XIRP2: variants seen among roughly 807,000 people sequenced by gnomAD.
XIRP2 encodes the protein xin actin-binding repeat-containing protein 2.
XIRP2 carries 236 observed loss-of-function variants against 277.0 expected under a neutral mutation model. The observed-to-expected ratio is 0.85, with a 90% CI of 0.77 to 0.95. XIRP2 has a LOEUF of 0.95. Among genes scored for constraint, XIRP2 ranks in the 40% least tolerant of loss-of-function variants. The pLI is 0.00. For synonymous variants in XIRP2, 1,490 were observed against 1,416.5 expected (o/e 1.05, Z -1.17); for missense variants, 4,640 against 4,157.5 (o/e 1.12, Z -3.19).
intron 2 of XIRP2, among the ~76,000 whole-genome samples, chr2:167,025,170 G>C (rs1017081156): frequency 9.2e-5 from 14 of 152,050 alleles, no homozygotes; most frequent in Non-Finnish European, 1.6e-4. Context: ...ACTTCTTCCT[G>C]GTTTAGTGTT....
intron 2 of XIRP2, among the ~76,000 whole-genome samples, chr2:166,922,745 G>C (rs1685086135): frequency 6.7e-6 from 1 of 149,610 alleles, no homozygotes; most frequent in South Asian, 2.1e-4. Flanking sequence ...AACAGAGCGA[G>C]ACTCCATCTC....
At chr2:167,087,390 C>G (rs539933487) in intron 2 of XIRP2, among the ~76,000 whole-genome samples, 30 of 151,772 alleles carry the variant, frequency 2.0e-4, no homozygotes, top group South Asian at 6.2e-4. Flanking sequence ...TTACTGCTGT[C>G]TTTTTGTTTG....
At chr2:167,193,677 A>T (rs1220762439) in intron 3 of XIRP2, among the ~76,000 whole-genome samples, 1 of 152,050 alleles carries the variant, frequency 6.6e-6, no homozygotes, top group African/African-American at 2.4e-5. Flanking sequence ...TAGGAGTTCA[A>T]CACCAGCCTA....
intron 2 of XIRP2, among the ~76,000 whole-genome samples, chr2:167,036,096 G>A (rs952692952): frequency 6.6e-6 from 1 of 152,230 alleles, no homozygotes; most frequent in African/African-American, 2.4e-5. Context: ...GTTTGCTGCA[G>A]AGGCAGCGCC....
rs776249367 is a variant in XIRP2, at chr2:167,251,776, A to G, written c.10384A>G (p.Ile3462Val). The G allele has an allele frequency of 6.2e-7, 1 of 1,613,388 alleles. No individual in the cohort carries two copies. Among genetic ancestry groups the G allele is most frequent in the South Asian group, 1.1e-5 (1 of 91,058 alleles). Residue 3462 changes from isoleucine (I) to valine (V), a missense_variant, in exon 9 of 11, where the codon ATT (isoleucine) becomes GTT (valine). By Grantham distance (29) the Ile-to-Val change is conservative. Transcript: ENST00000409195. ...KHAPPTYEDV[I>V]AGHILDISDS... Reference sequence around the variant, plus strand: ...TGCCCCACCAACCTATGAGGATGTCATTGCTGGACATATTTTAGATATCTC... The same window carrying G: ...TGCCCCACCAACCTATGAGGATGTCGTTGCTGGACATATTTTAGATATCTC...
At chr2:167,223,690 A>G (rs939048679) in intron 5 of XIRP2, among the ~76,000 whole-genome samples, 2 of 152,204 alleles carry the variant, frequency 1.3e-5, no homozygotes, top group Admixed American at 6.5e-5. Context: ...CACGTACATA[A>G]TTCTTCAAGG....
intron 2 of XIRP2, among the ~76,000 whole-genome samples, chr2:167,132,628 C>T (rs1048762563): frequency 1.3e-5 from 2 of 152,132 alleles, no homozygotes; most frequent in African/African-American, 4.8e-5. Flanking sequence ...CTGCTCCCGG[C>T]CTGCCTCTGC....
At chr2:167,157,640 T>G (rs1357708788) in intron 3 of XIRP2, among the ~76,000 whole-genome samples, 1 of 152,112 alleles carries the variant, frequency 6.6e-6, no homozygotes, top group Non-Finnish European at 1.5e-5. Context: ...AGCAAAAGTA[T>G]GAGGAATCCA....
chr2:167,158,285 A>C (rs1205394221), intron 3 of XIRP2, among the ~76,000 whole-genome samples: 1 of 152,236 alleles, frequency 6.6e-6, no homozygotes, highest in East Asian at 1.9e-4. Flanking sequence ...GTAAGAGTCT[A>C]GAAAATTTAG....
At chr2:167,157,774 T>G (rs1455512501) in intron 3 of XIRP2, among the ~76,000 whole-genome samples, 1 of 152,078 alleles carries the variant, frequency 6.6e-6, no homozygotes, top group African/African-American at 2.4e-5. Flanking sequence ...GTGAAAAATG[T>G]TGCAATAGGA....
chr2:166,955,725 G>A (rs996657915), intron 2 of XIRP2, among the ~76,000 whole-genome samples: 1 of 151,592 alleles, frequency 6.6e-6, no homozygotes, highest in Admixed American at 6.6e-5. Context: ...GCTTGAATCA[G>A]CTTCAAGAAT....
In XIRP2 at chr2:167,242,738, CAGA is replaced by C. The variant is rs1559037089; in HGVS notation, c.1351_1353del (p.Glu451del). On this transcript the variant is annotated inframe_deletion, in exon 9 of 11. Coordinates refer to ENST00000409195, the MANE Select transcript of XIRP2 (RefSeq NM_152381.6). ...ATTAATGCTACTTCTTCAGGAATGA[CAGA>C]AGAATTTCCTCCTCCCCCACCTGAC... 1 of 1,614,018 alleles carries C rather than the reference CAGA, an allele frequency of 6.2e-7. No homozygotes were observed. The highest frequency in any genetic ancestry group is 1.7e-5 in the Admixed American group (1 of 60,018).
intron 2 of XIRP2, among the ~76,000 whole-genome samples, chr2:167,039,593 T>TCA (rs891317485): frequency 8.6e-5 from 13 of 151,852 alleles, no homozygotes; most frequent in South Asian, 6.2e-4. Flanking sequence ...ATACACAATC[T>TCA]CACACACACA....
intron 5 of XIRP2, among the ~76,000 whole-genome samples, chr2:167,222,422 G>C (rs1434316572): frequency 2.0e-5 from 3 of 152,168 alleles, no homozygotes; most frequent in South Asian, 2.1e-4. Flanking sequence ...GGTTGCCTTT[G>C]CAGTTAATAC....
chr2:167,000,513 G>GT (rs201441526), intron 2 of XIRP2, among the ~76,000 whole-genome samples: 13,870 of 139,248 alleles, frequency 0.1, 1,069 homozygotes, highest in East Asian at 0.41. Context: ...GGGTTTTTTT[G>GT]TTTTTTTTTT....
chr2:167,090,729 G>T (rs1419793937), intron 2 of XIRP2, among the ~76,000 whole-genome samples: 1 of 151,998 alleles, frequency 6.6e-6, no homozygotes. Context: ...GAAACCTTAG[G>T]GGTGTCCTGG....
At chr2:166,996,177 C>T (rs2105448751) in intron 2 of XIRP2, among the ~76,000 whole-genome samples, 1 of 152,226 alleles carries the variant, frequency 6.6e-6, no homozygotes, top group Admixed American at 6.5e-5. Context: ...ATAGTAGATA[C>T]ACAGTAATTA....
intron 3 of XIRP2, among the ~76,000 whole-genome samples, chr2:167,203,729 A>G (rs1308648623): frequency 1.3e-5 from 2 of 152,200 alleles, no homozygotes; most frequent in Non-Finnish European, 2.9e-5. Flanking sequence ...TTGATTACAA[A>G]TTTTACTTGG....
chr2:167,187,609 G>A, intron 3 of XIRP2: 3 of 902,530 alleles, frequency 3.3e-6, no homozygotes, highest in Non-Finnish European at 4.0e-6. Flanking sequence ...TAAGGTCAAT[G>A]AAGACCATAG....
Sources: allele counts gnomAD v4.1 joint callset (sites outside exome capture counted in the v4.1 genomes callset), GRCh38; gene constraint gnomAD v4.1.1; transcripts MANE v1.5; gene names NCBI Gene and HGNC (gene_info 2026-07-23, HGNC 2026-07-21).